Variants in PPP2R5C observed in about 807,000 individuals in gnomAD.
PPP2R5C encodes serine/threonine-protein phosphatase 2A 56 kDa regulatory subunit gamma isoform.
PPP2R5C carries 7 observed loss-of-function variants against 68.9 expected under a neutral mutation model. The observed-to-expected ratio is 0.10, with a 90% CI of 0.06 to 0.19. PPP2R5C has a LOEUF of 0.19. Among genes scored for constraint, PPP2R5C ranks in the 10% least tolerant of loss-of-function variants. PPP2R5C has a pLI of 1.00. For synonymous variants in PPP2R5C, 210 were observed against 222.2 expected (o/e 0.95, Z 0.49); for missense variants, 348 against 641.3 (o/e 0.54, Z 4.94).
chr14:101,876,501 C>T (rs2043790798), intron 2 of PPP2R5C, among the ~76,000 whole-genome samples: 2 of 151,996 alleles, frequency 1.3e-5, no homozygotes, highest in Admixed American at 1.3e-4. Flanking sequence ...AATATTCACT[C>T]ATTGGTAATG....
chr14:101,864,968 G>GCGGCTTTGATGGCAGAGAGAAAT (rs1424421199), intron 2 of PPP2R5C, among the ~76,000 whole-genome samples: 1 of 152,208 alleles, frequency 6.6e-6, no homozygotes, highest in African/African-American at 2.4e-5. Flanking sequence ...AATGAGCCAA[G>GCGGCTTTGATGGCAGAGAGAAAT]CGGCTTTGAT....
chr14:101,852,763 C>T (rs910245752), intron 1 of PPP2R5C, among the ~76,000 whole-genome samples: 22 of 152,070 alleles, frequency 1.4e-4, no homozygotes, highest in South Asian at 2.1e-4. Flanking sequence ...TGAGCCACCG[C>T]GCCTGGCCAG....
chr14:101,883,414 G>A lies in PPP2R5C; in HGVS notation c.499-18G>A. On this transcript the variant is annotated intron_variant, in intron 4 of 13. Transcript: ENST00000334743. ...GAATGATGACACCCAGCCACTAAGT[G>A]TCTTTTTCTTCTCAAAGCTTTTAGA... The A allele has an allele frequency of 6.2e-7, 1 of 1,612,566 alleles. No individual in the cohort carries two copies. The highest frequency in any genetic ancestry group is 8.5e-7 in the Non-Finnish European group (1 of 1,179,714).
intron 2 of PPP2R5C, among the ~76,000 whole-genome samples, chr14:101,779,841 G>A (rs548079215): frequency 6.6e-6 from 1 of 152,180 alleles, no homozygotes; most frequent in Non-Finnish European, 1.5e-5. Context: ...CTGAAAATAC[G>A]ATTGGGAGAA....
chr14:101,762,059 C>G (rs1370541466), intron 1 of PPP2R5C, 139 bp downstream of exon 1: 1 of 919,762 alleles, frequency 1.1e-6, no homozygotes, highest in Non-Finnish European at 1.4e-6. Context: ...CCGAGGGCGG[C>G]CGAGCCAGGC....
At chr14:101,895,028 G>A (rs925908090) in intron 8 of PPP2R5C, among the ~76,000 whole-genome samples, 15 of 152,152 alleles carry the variant, frequency 9.9e-5, no homozygotes, top group Non-Finnish European at 2.1e-4. Context: ...TGAATCACAA[G>A]TGAACGTTAG....
chr14:101,900,243 A>G (rs1336105440), intron 8 of PPP2R5C, among the ~76,000 whole-genome samples: 1 of 152,204 alleles, frequency 6.6e-6, no homozygotes, highest in Non-Finnish European at 1.5e-5. Context: ...ATCATAAAAG[A>G]TTACCTGGGA....
upstream of PPP2R5C, among the ~76,000 whole-genome samples, chr14:101,808,542 T>C (rs1881504844): frequency 6.6e-6 from 1 of 152,180 alleles, no homozygotes; most frequent in Admixed American, 6.5e-5. Flanking sequence ...AGGACTTGAT[T>C]AGCAGCCCTG....
chr14:101,761,023 A>ACGGGCTGGTCGAAGGGAGGGGG (rs2036487503), upstream of PPP2R5C, among the ~76,000 whole-genome samples: 1 of 78,568 alleles, frequency 1.3e-5, no homozygotes, highest in African/African-American at 5.0e-5. Context: ...AGGGCAGGGG[A>ACGGGCTGGTCGAAGGGAGGGGG]CGGGGTGGTC....
chr14:101,875,988 T>G (rs2043748461), intron 2 of PPP2R5C, among the ~76,000 whole-genome samples: 1 of 152,244 alleles, frequency 6.6e-6, no homozygotes, highest in Non-Finnish European at 1.5e-5. Context: ...CGTCTCTGTT[T>G]CTTTTTTGTA....
rs958798826 is a variant in PPP2R5C, at chr14:101,888,413, A to G, written c.630-1824A>G. ...GTGCGAGCATTTTCTGTTTCTTGTC[A>G]TGGCACCAGTGTCGTTCCTGTCACC... On this transcript the variant is annotated intron_variant, in intron 5 of 13. Transcript: ENST00000334743. The surrounding 1 kb of genome is among the most constrained non-coding windows in gnomAD (Gnocchi z 5.6). Among the ~76,000 whole-genome samples, 6 of 151,996 alleles carry G rather than the reference A, an allele frequency of 3.9e-5. No homozygotes were observed. The highest frequency in any genetic ancestry group is 2.6e-4 in the Admixed American group (4 of 15,260).
intron 1 of PPP2R5C, among the ~76,000 whole-genome samples, chr14:101,815,143 C>T (rs1024994437): frequency 6.6e-6 from 1 of 152,168 alleles, no homozygotes; most frequent in Non-Finnish European, 1.5e-5. Context: ...CCACTCACTA[C>T]CGCCCCTGCC....
At chr14:101,892,190 C>G (rs1034180665) in intron 6 of PPP2R5C, among the ~76,000 whole-genome samples, 2 of 152,130 alleles carry the variant, frequency 1.3e-5, no homozygotes, top group Non-Finnish European at 2.9e-5. Flanking sequence ...TTCCTGACCT[C>G]AGGTGATCCA....
intron 2 of PPP2R5C, among the ~76,000 whole-genome samples, chr14:101,867,584 C>G (rs1414375431): frequency 6.6e-6 from 1 of 151,994 alleles, no homozygotes; most frequent in Non-Finnish European, 1.5e-5. Context: ...TCGAGACCAG[C>G]CTGACCAGTA....
chr14:101,785,373 T>A (rs1002511163), intron 2 of PPP2R5C, among the ~76,000 whole-genome samples: 1 of 152,188 alleles, frequency 6.6e-6, no homozygotes, highest in Non-Finnish European at 1.5e-5. Flanking sequence ...AAAATGAAGG[T>A]GTCAGCAGGG....
chr14:101,786,294 A>G (rs1459783666), intron 3 of PPP2R5C, 111 bp downstream of exon 3: 2 of 1,058,592 alleles, frequency 1.9e-6, no homozygotes, highest in Non-Finnish European at 2.6e-6. Flanking sequence ...TTGTGGGGTC[A>G]TCTTTTCTGT....
chr14:101,841,383 A>G (rs2041461025), intron 1 of PPP2R5C, among the ~76,000 whole-genome samples: 1 of 152,228 alleles, frequency 6.6e-6, no homozygotes, highest in Non-Finnish European at 1.5e-5. Context: ...CTTGGACCAT[A>G]GGGAGCAAGT....
At chr14:101,761,106 G>A (rs1021734128), upstream of PPP2R5C, among the ~76,000 whole-genome samples, 12 of 150,424 alleles carry the variant, frequency 8.0e-5, no homozygotes, top group Non-Finnish European at 1.3e-4. Flanking sequence ...GAGGGGAGGC[G>A]GGGCCCAGCG....
At position 101,879,986 on chromosome 14, in the gene PPP2R5C, G is replaced by T. The variant is rs2044055415; in HGVS notation, c.295-2175G>T. On this transcript the variant is annotated intron_variant, in intron 2 of 13. Transcript: ENST00000334743. This position sits in a 1 kb window ranked among gnomAD's most constrained non-coding sequence, Gnocchi z 4.2. Reference sequence around the variant, plus strand: ...GCTTGTTCACGTCTGTGGGCTTTGGGGTCAGGGTGCCAGGAGGGGCAGACT... The same window carrying T: ...GCTTGTTCACGTCTGTGGGCTTTGGTGTCAGGGTGCCAGGAGGGGCAGACT... Among the ~76,000 whole-genome samples the T allele has an allele frequency of 6.6e-6, 1 of 152,152 alleles. No individual in the cohort carries two copies.
Sources: allele counts gnomAD v4.1 joint callset (sites outside exome capture counted in the v4.1 genomes callset), GRCh38; gene constraint gnomAD v4.1.1; non-coding constraint Gnocchi (gnomAD v3.1); transcripts MANE v1.5; gene names NCBI Gene and HGNC (gene_info 2026-07-23, HGNC 2026-07-21).